Variants in GFM1 observed in about 807,000 individuals in gnomAD.
The protein encoded by GFM1 is G elongation factor mitochondrial 1, also known as elongation factor G, mitochondrial.
GFM1 carries 62 observed loss-of-function variants against 96.2 expected under a neutral mutation model. The ratio of observed to expected loss-of-function variants is 0.64; its 90% CI spans 0.53 to 0.80. The LOEUF (loss-of-function observed/expected upper bound fraction) is 0.80. Ranked by LOEUF, GFM1 falls within the 30% of genes least tolerant of loss-of-function variation. GFM1 has a pLI of 0.00. For synonymous variants in GFM1, 282 were observed against 312.9 expected (o/e 0.90, Z 1.04); for missense variants, 852 against 916.6 (o/e 0.93, Z 0.91).
chr3:158,667,146 A>G, intron 13 of GFM1: 1 of 1,396,554 alleles, frequency 7.2e-7, no homozygotes, highest in Non-Finnish European at 9.6e-7. Context: ...AATTTTGAAA[A>G]TCATCTTTGA....
chr3:158,665,541 A>T (rs1723591995), intron 12 of GFM1, 67 bp downstream of exon 12: 3 of 1,389,420 alleles, frequency 2.2e-6, no homozygotes, highest in Non-Finnish European at 3.1e-6. Flanking sequence ...AAAGTCAATA[A>T]TTCTCAATCT....
chr3:158,665,365 T>C lies in GFM1; in HGVS notation c.1409T>C (p.Ile470Thr), dbSNP rs1225950316. 9 of 1,610,960 alleles carry C rather than the reference T, an allele frequency of 5.6e-6. No homozygotes were observed. Among genetic ancestry groups the C allele is most frequent in the Non-Finnish European group, 7.6e-6 (9 of 1,177,498 alleles). The change falls in exon 12 of 18, where the codon ATT becomes ACT. Residue 470 changes from isoleucine to threonine, a missense_variant. By Grantham distance (89) the Ile-to-Thr change is moderately conservative (BLOSUM62 -1). Coordinates refer to ENST00000486715, the MANE Select transcript of GFM1 (RefSeq NM_024996.7). ...GATCTGGAAAAATTTTCAAAAGGTA[T>C]TGGCAGGTTTACAAGAGAAGATCCC... ...KNDLEKFSKG[I>T]GRFTREDPTF...
chr3:158,682,116 G>A lies in GFM1; in HGVS notation c.1723G>A (p.Gly575Arg), dbSNP rs747483607. 1.2e-6 allele frequency: 2 copies of A among 1,613,638 alleles called. No individual in the cohort carries two copies. The highest frequency in any genetic ancestry group is 8.5e-7 in the Non-Finnish European group (1 of 1,179,778). ...TKLEFSDETFGSNIPKQFVPA... is the reference protein window; with the variant it reads ...TKLEFSDETFRSNIPKQFVPA... ...ATTGGAATTTTCAGATGAAACATTC[G>A]GATCAAATATTCCAAAGCAGTTTGT... The change falls in exon 14 of 18, where the codon GGA (glycine) becomes AGA (arginine). Residue 575 changes from glycine (G) to arginine (R), a missense_variant. Gly to Arg is a moderately radical substitution (Grantham distance 125). Coordinates refer to ENST00000486715, the MANE Select transcript of GFM1 (RefSeq NM_024996.7).
chr3:158,647,331 C>G (rs913056244), intron 4 of GFM1, among the ~76,000 whole-genome samples: 2 of 152,114 alleles, frequency 1.3e-5, no homozygotes, highest in Non-Finnish European at 2.9e-5. Flanking sequence ...TTAATTAATG[C>G]CCTTAAGTAG....
rs776444859 is a variant in GFM1, at chr3:158,646,308, T to G, written c.367+11T>G. ...TTATAGATACTCCTGGTGAGTTGGA[T>G]TCTTGGTTTTATTGCAGCTTCTTTG... On this transcript the variant is annotated intron_variant, in intron 3 of 17. Coordinates refer to ENST00000486715, the MANE Select transcript of GFM1 (RefSeq NM_024996.7). 5 of 1,613,820 alleles carry G rather than the reference T, an allele frequency of 3.1e-6. No homozygotes were observed. The highest frequency in any genetic ancestry group is 1.1e-5 in the South Asian group (1 of 91,062).
chr3:158,645,849 A>G (rs1387257511), intron 2 of GFM1, 68 bp downstream of exon 2: 7 of 1,326,942 alleles, frequency 5.3e-6, no homozygotes, highest in African/African-American at 2.9e-5. Flanking sequence ...CTATTATTTA[A>G]TAAAGCTTAT....
At chr3:158,672,263 G>C in intron 13 of GFM1, 1 of 1,535,802 alleles carries the variant, frequency 6.5e-7, no homozygotes, top group East Asian at 2.3e-5. Flanking sequence ...GGCACGGAGT[G>C]TCTGCACCCA....
Position 158,691,129 on chromosome 3 carries a change from T to G in GFM1, c.2071-10T>G, listed in dbSNP as rs1331066860. ...AGCAGTGCTAAAATATCTACTATGT[T>G]TGTTTTCAGGTCCCTCTAAATGATA... is the stretch of plus-strand genomic sequence containing the variant. On this transcript the variant is annotated splice_polypyrimidine_tract_variant and intron_variant, in intron 16 of 17. Coordinates refer to ENST00000486715, the MANE Select transcript of GFM1 (RefSeq NM_024996.7). The G allele has an allele frequency of 1.9e-6, 3 of 1,596,996 alleles. No homozygotes were observed. Among genetic ancestry groups the G allele is most frequent in the Middle Eastern group, 1.7e-4 (1 of 6,014 alleles).
intron 13 of GFM1, among the ~76,000 whole-genome samples, chr3:158,676,324 G>GA (rs11375908): frequency 0.42 from 63,179 of 151,978 alleles, 14,283 homozygotes; most frequent in African/African-American, 0.6. Context: ...TTCTCTTTGG[G>GA]AAAGCAAAAG....
chr3:158,673,033 G>T (rs1294887669), intron 13 of GFM1, among the ~76,000 whole-genome samples: 1 of 152,108 alleles, frequency 6.6e-6, no homozygotes, highest in Non-Finnish European at 1.5e-5. Flanking sequence ...GTAGTGATTC[G>T]ATTCCTTCAT....
At chr3:158,686,497 C>G (rs867839669) in intron 15 of GFM1, among the ~76,000 whole-genome samples, 2 of 149,660 alleles carry the variant, frequency 1.3e-5, no homozygotes, top group African/African-American at 4.9e-5. Flanking sequence ...AGCTTTGTCT[C>G]TTGTTCTAGG....
In GFM1 at chr3:158,681,968, A is replaced by AT. The variant is rs11436468; in HGVS notation, c.1602-17dup. 486,767 of 1,429,792 alleles carry AT rather than the reference A, an allele frequency of 0.34. 48,503 individuals carry two copies. Among genetic ancestry groups the AT allele is most frequent in the African/African-American group, 0.56 (38,359 of 68,660 alleles). The allele number at this position is 1,429,792 out of a possible 1,614,324, so 88.6% of individuals were successfully genotyped here. A position where few individuals can be genotyped will look rare whatever the true frequency, so the allele number is the denominator to read the frequency against. ...TTATTTTGTAATTACATAATGCTCC[A>AT]TTTTTTTTTTCCTAAATCACTTTCA... On this transcript the variant is annotated intron_variant, in intron 13 of 17. Coordinates refer to ENST00000486715, the MANE Select transcript of GFM1 (RefSeq NM_024996.7).
chr3:158,644,693 C>T lies in GFM1; in HGVS notation c.59C>T (p.Ser20Phe), dbSNP rs1434747822. 2 of 1,579,450 alleles carry T rather than the reference C, an allele frequency of 1.3e-6. No individual in the cohort carries two copies. The highest frequency in any genetic ancestry group is 2.3e-5 in the East Asian group (1 of 43,578). ...CTGGGGCGCGGAAGGGCCCCCGCCT[C>T]CCTAGGCTGGCAGAGGAAGCAGGTA... ...AALGRGRAPA[S>F]LGWQRKQVNW... is the part of the protein sequence containing the mutation. Residue 20 changes from serine to phenylalanine, a missense_variant, in exon 1 of 18, where the codon TCC becomes TTC. By Grantham distance (155) the Ser-to-Phe change is radical. Coordinates refer to ENST00000486715, the MANE Select transcript of GFM1 (RefSeq NM_024996.7).
At chr3:158,661,813 A>G (rs189415733) in intron 10 of GFM1, among the ~76,000 whole-genome samples, 1 of 152,340 alleles carries the variant, frequency 6.6e-6, no homozygotes, top group African/African-American at 2.4e-5. Context: ...ACTTCCTGCT[A>G]TCTAATGATG....
At chr3:158,654,687 G>A (rs1722600464) in intron 8 of GFM1, 56 bp downstream of exon 8, 1 of 1,133,122 alleles carries the variant, frequency 8.8e-7, no homozygotes, top group East Asian at 2.4e-5. Flanking sequence ...TTACTTCTAG[G>A]CTTTATTCCT....
intron 10 of GFM1, among the ~76,000 whole-genome samples, chr3:158,661,988 C>G (rs1723237491): frequency 6.6e-6 from 1 of 152,166 alleles, no homozygotes; most frequent in African/African-American, 2.4e-5. Flanking sequence ...AAGGCCTTCT[C>G]TAAGTACTGG....
Position 158,694,016 on chromosome 3 carries a change from G to GT in GFM1, c.*2560dup, listed in dbSNP as rs1254051489. Among the ~76,000 whole-genome samples the GT allele has an allele frequency of 6.3e-4, 92 of 145,162 alleles. No homozygotes were observed. The highest frequency in any genetic ancestry group is 8.7e-4 in the South Asian group (4 of 4,588). ...AGTTTGGTTTTTTTGTTTAACAACT[G>GT]TTTTTTTTTTTAAGAGATGGGGTCT... is the stretch of plus-strand genomic sequence containing the variant. On this transcript the variant is annotated 3_prime_UTR_variant, in exon 18 of 18. Coordinates refer to ENST00000486715, the MANE Select transcript of GFM1 (RefSeq NM_024996.7).
chr3:158,660,792 G>A, intron 9 of GFM1, 82 bp from the exon 10 acceptor site: 2 of 1,094,592 alleles, frequency 1.8e-6, no homozygotes, highest in South Asian at 1.2e-5. Flanking sequence ...TACAATGTGT[G>A]TACTGTACAG....
At chr3:158,685,056 C>G (rs1296647781) in intron 15 of GFM1, 3 of 177,530 alleles carry the variant, frequency 1.7e-5, no homozygotes, top group Non-Finnish European at 2.4e-5. Context: ...TGTAAGTAAT[C>G]TCTTCATTAT....
Sources: allele counts gnomAD v4.1 joint callset (sites outside exome capture counted in the v4.1 genomes callset), GRCh38; gene constraint gnomAD v4.1.1; transcripts MANE v1.5; gene names NCBI Gene and HGNC (gene_info 2026-07-23, HGNC 2026-07-21).